The following HECTD4 variants were observed in gnomAD, a reference collection of about 807,000 sequenced individuals.
The protein encoded by HECTD4 is HECT domain E3 ubiquitin protein ligase 4.
Under a neutral mutation model 471.5 loss-of-function variants are expected in HECTD4, and 114 were observed. The observed-to-expected ratio is 0.24, with a 90% CI of 0.21 to 0.28. HECTD4 has a LOEUF of 0.28. Ranked by LOEUF, HECTD4 falls within the 10% of genes least tolerant of loss-of-function variation. HECTD4 has a pLI of 1.00. For synonymous variants in HECTD4, 2,012 were observed against 2,256.0 expected (o/e 0.89, Z 3.07); for missense variants, 3,866 against 5,651.5 (o/e 0.68, Z 10.13).
At chr12:112,219,012 G>A (rs1247061988) in intron 45 of HECTD4, among the ~76,000 whole-genome samples, 3 of 151,872 alleles carry the variant, frequency 2.0e-5, no homozygotes, top group African/African-American at 2.4e-5. Context: ...GGGATTACAG[G>A]CGTGAGCCAC....
chr12:112,281,917 T>A lies in HECTD4; in HGVS notation c.1528+1193A>T, dbSNP rs557971707. Among the ~76,000 whole-genome samples the A allele has an allele frequency of 1.9e-4, 29 of 152,326 alleles. No homozygotes were observed. In the South Asian group the frequency reaches 2.1e-3, roughly 11 times the overall value. On this transcript the variant is annotated intron_variant, in intron 8 of 75. Coordinates refer to ENST00000682272, the MANE Select transcript of HECTD4 (RefSeq NM_001388303.1). Reference sequence around the variant, plus strand: ...ATAAATCCAAATATTTGGTATGTAATCTGTAAACTCTATGGAATAATGGTT... The same window carrying A: ...ATAAATCCAAATATTTGGTATGTAAACTGTAAACTCTATGGAATAATGGTT...
At chr12:112,253,521 T>A (rs898934838) in intron 22 of HECTD4, among the ~76,000 whole-genome samples, 1 of 152,152 alleles carries the variant, frequency 6.6e-6, no homozygotes, top group African/African-American at 2.4e-5. Flanking sequence ...TTGGAGACAT[T>A]TTTGGGTTTT....
At chr12:112,324,390 G>C (rs566050759) in intron 1 of HECTD4, among the ~76,000 whole-genome samples, 1 of 151,986 alleles carries the variant, frequency 6.6e-6, no homozygotes, top group African/African-American at 2.4e-5. Flanking sequence ...AAAGTGCTAA[G>C]AGTATAGGCA....
chr12:112,196,511 G>C (rs540796697), intron 55 of HECTD4, among the ~76,000 whole-genome samples: 15 of 152,200 alleles, frequency 9.9e-5, no homozygotes, highest in African/African-American at 3.4e-4. Flanking sequence ...GGACTGAATG[G>C]GCAAGCTGAG....
In HECTD4 at chr12:112,259,168, T is replaced by C. The variant is rs754010055; in HGVS notation, c.2971A>G (p.Ile991Val). ...TGAGGCATCAGGGCATCCGCCATGA[T>C]CAGAGTCTGTAAATTTGGATGCATC... ...SLMHPNLQTL[I>V]MADALMPQLV... The change falls in exon 19 of 76, where the codon ATC (isoleucine) becomes GTC (valine). Residue 991 changes from isoleucine to valine, a missense_variant. Physicochemically the swap from Ile to Val is conservative, Grantham distance 29. Transcript: ENST00000682272. 1 of 1,613,948 alleles carries C rather than the reference T, an allele frequency of 6.2e-7. No individual in the cohort carries two copies. Among genetic ancestry groups the C allele is most frequent in the Non-Finnish European group, 8.5e-7 (1 of 1,179,874 alleles).
At position 112,243,323 on chromosome 12, in the gene HECTD4, G is replaced by A. The variant is rs1436469474; in HGVS notation, c.4958+30C>T. ...TGAATGGCTCTGACCATTCTAGAAA[G>A]GACAGTATAAACTAACAGAAACAAC... On this transcript the variant is annotated intron_variant, in intron 32 of 75. Coordinates refer to ENST00000682272, the MANE Select transcript of HECTD4 (RefSeq NM_001388303.1). This position sits in a 1 kb window ranked among gnomAD's most constrained non-coding sequence, Gnocchi z 6.6. 6.3e-7 allele frequency: 1 copy of A among 1,594,334 alleles called. No homozygotes were observed. Among genetic ancestry groups the A allele is most frequent in the South Asian group, 1.1e-5 (1 of 88,676 alleles).
chr12:112,269,376 G>A (rs965280036), intron 13 of HECTD4, among the ~76,000 whole-genome samples: 3 of 152,162 alleles, frequency 2.0e-5, no homozygotes, highest in African/African-American at 7.2e-5. Flanking sequence ...TGTTGCCAAA[G>A]CCTGCTTCTT....
intron 1 of HECTD4, among the ~76,000 whole-genome samples, chr12:112,350,084 A>T (rs368736869): frequency 1.0e-3 from 156 of 152,140 alleles, no homozygotes; most frequent in African/African-American, 3.6e-3. Context: ...CCTCCCATGT[A>T]GCTGGTCCCA....
Position 112,382,176 on chromosome 12 carries a change from G to T in HECTD4, c.-48C>A. On this transcript the variant is annotated 5_prime_UTR_variant, in exon 1 of 76. Transcript: ENST00000682272. ...CTGAGGAGCAGACGCCCGGCCGGGG[G>T]AAACGGAGCAGGAGCCGCCGCGATC... 1 of 1,209,242 alleles carries T rather than the reference G, an allele frequency of 8.3e-7. No individual in the cohort carries two copies. Among genetic ancestry groups the T allele is most frequent in the Non-Finnish European group, 1.0e-6 (1 of 972,630 alleles). The allele number at this position is 1,209,242 out of a possible 1,614,324, so 74.9% of individuals were successfully genotyped here.
rs1327746842 is a variant in HECTD4, at chr12:112,279,297, G to A, written c.1618C>T (p.Pro540Ser). 6.2e-7 allele frequency: 1 copy of A among 1,613,220 alleles called. No homozygotes were observed. The highest frequency in any genetic ancestry group is 8.5e-7 in the Non-Finnish European group (1 of 1,179,720). Reference sequence around the variant, plus strand: ...GTGGCAGAGCTGCCTGATCCCCCTGGAGGAGGCACCAGCATCACCAAGTAG... The same window carrying A: ...GTGGCAGAGCTGCCTGATCCCCCTGAAGGAGGCACCAGCATCACCAAGTAG... ...GTYLVMLVPPPGGSGSSATRS... is the reference protein window; with the variant it reads ...GTYLVMLVPPSGGSGSSATRS... Residue 540 changes from proline to serine, a missense_variant, in exon 9 of 76, where the codon CCA becomes TCA. Physicochemically the swap from Pro to Ser is moderately conservative, Grantham distance 74. Transcript: ENST00000682272.
At chr12:112,358,455 GA>G (rs1000664261) in intron 1 of HECTD4, among the ~76,000 whole-genome samples, 1 of 150,316 alleles carries the variant, frequency 6.7e-6, no homozygotes. Context: ...ATTTCAAAAA[GA>G]AAAAAAATCA....
intron 55 of HECTD4, among the ~76,000 whole-genome samples, chr12:112,199,262 G>C (rs2032341559): frequency 6.6e-6 from 1 of 152,182 alleles, no homozygotes. Context: ...CCTACTTCCT[G>C]TCCTGTATCT....
In HECTD4 at chr12:112,162,970, T is replaced by C; in HGVS notation, c.13120+72A>G. ...CATTGTTCTCCCTTCACATGGGGCC[T>C]GGCAGCCCCAGTTCCAAACAGAGAA... On this transcript the variant is annotated intron_variant, in intron 75 of 75. Coordinates refer to ENST00000682272, the MANE Select transcript of HECTD4 (RefSeq NM_001388303.1). The surrounding 1 kb of genome is among the most constrained non-coding windows in gnomAD (Gnocchi z 5.2). The C allele has an allele frequency of 1.7e-6, 2 of 1,206,322 alleles. No individual in the cohort carries two copies. Among genetic ancestry groups the C allele is most frequent in the South Asian group, 2.8e-5 (2 of 70,788 alleles). The allele number at this position is 1,206,322 out of a possible 1,614,324, so 74.7% of individuals were successfully genotyped here.
rs773035208 is a variant in HECTD4 at position 112,172,640 on chromosome 12, CAGGGGAGGGGATAGG to C, written c.11785+16_11785+30del. On this transcript the variant is annotated intron_variant, in intron 67 of 75. Coordinates refer to ENST00000682272, the MANE Select transcript of HECTD4 (RefSeq NM_001388303.1). ...CATGGGGCATGCCCGCATCAGGCAG[CAGGGGAGGGGATAGG>C]CCCAGGGCCACATACTCAGGAGACA... 8 of 1,603,854 alleles carry C rather than the reference CAGGGGAGGGGATAGG, an allele frequency of 5.0e-6. No individual in the cohort carries two copies. In the South Asian group the frequency reaches 8.8e-5, roughly 18 times the overall value.
Position 112,179,354 on chromosome 12 carries a change from T to A in HECTD4, c.11031A>T (p.Ile3677=), listed in dbSNP as rs751803663. 6.2e-7 allele frequency: 1 copy of A among 1,613,104 alleles called. No individual in the cohort carries two copies. Among genetic ancestry groups the A allele is most frequent in the Non-Finnish European group, 8.5e-7 (1 of 1,179,650 alleles). Reference sequence around the variant, plus strand: ...GCTCTGAATGGGCACAACTCTTAAATATCTCCGTCAGAACCTCTCTGGCTC... The same window carrying A: ...GCTCTGAATGGGCACAACTCTTAAAAATCTCCGTCAGAACCTCTCTGGCTC... ...VPGAREVLTE[I]FKSCAHSEQT... Residue 3677 remains isoleucine (I), a synonymous_variant, in exon 63 of 76, where the codon ATA becomes ATT. Coordinates refer to ENST00000682272, the MANE Select transcript of HECTD4 (RefSeq NM_001388303.1). This position sits in a 1 kb window ranked among gnomAD's most constrained non-coding sequence, Gnocchi z 4.3.
At chr12:112,210,395 G>A (rs2032727328) in intron 49 of HECTD4, 143 bp from the exon 50 acceptor site, 2 of 804,232 alleles carry the variant, frequency 2.5e-6, no homozygotes, top group East Asian at 2.6e-5. Flanking sequence ...GTGGGGGCTG[G>A]AGGGACTGAG....
In HECTD4 at chr12:112,314,449, C is replaced by T; in HGVS notation, c.785+8G>A. On this transcript the variant is annotated splice_region_variant and intron_variant, in intron 3 of 75. Transcript: ENST00000682272. ...GAAGGAGGGTAAGGATACAAAGTGA[C>T]AACTTACCTATATAGCACATCAGCT... 6.9e-7 allele frequency: 1 copy of T among 1,451,066 alleles called. No individual in the cohort carries two copies. The highest frequency in any genetic ancestry group is 2.0e-5 in the Admixed American group (1 of 50,742). The allele number at this position is 1,451,066 out of a possible 1,614,324, so 89.9% of individuals were successfully genotyped here.
At chr12:112,316,572 G>A (rs1246804442) in intron 2 of HECTD4, among the ~76,000 whole-genome samples, 1 of 151,976 alleles carries the variant, frequency 6.6e-6, no homozygotes, top group East Asian at 1.9e-4. Context: ...CTTACCCTGA[G>A]TCCATTCAAC....
rs1250876132 is a variant in HECTD4, at chr12:112,235,811, C to T, written c.5445-27G>A. ...TGGGAAAAAAGGAAGAAAAGGTACACAGTGCTAGAAATGTTGATCTATAGA... is the reference window on the plus strand; with the variant it reads ...TGGGAAAAAAGGAAGAAAAGGTACATAGTGCTAGAAATGTTGATCTATAGA... On this transcript the variant is annotated intron_variant, in intron 35 of 75. Coordinates refer to ENST00000682272, the MANE Select transcript of HECTD4 (RefSeq NM_001388303.1). This position sits in a 1 kb window ranked among gnomAD's most constrained non-coding sequence, Gnocchi z 5.0. The T allele has an allele frequency of 2.5e-6, 4 of 1,585,024 alleles. No individual in the cohort carries two copies. Among genetic ancestry groups the T allele is most frequent in the South Asian group, 1.2e-5 (1 of 86,298 alleles).
Sources: gnomAD v4.1 joint callset for allele counts (sites outside exome capture counted in the v4.1 genomes callset) on GRCh38, gnomAD v4.1.1 for gene constraint, Gnocchi (gnomAD v3.1) non-coding constraint, MANE v1.5 for transcripts, NCBI Gene and HGNC (gene_info 2026-07-23, HGNC 2026-07-21) for gene names.